The following WASHC3 variants were observed in gnomAD, a reference collection of about 807,000 sequenced individuals.
WASHC3 encodes WASH complex subunit 3.
Under a neutral mutation model 26.1 loss-of-function variants are expected in WASHC3, and 24 were observed. That is an observed-to-expected ratio of 0.92 (90% CI 0.66 to 1.29). The LOEUF (loss-of-function observed/expected upper bound fraction) is 1.29, where lower values mean the gene tolerates loss of function less well. Ranked by LOEUF, WASHC3 falls within the 50% of genes most tolerant of loss-of-function variation. The pLI is 0.00. For missense variants in WASHC3, 214 were observed against 229.6 expected (o/e 0.93, Z 0.44); for synonymous variants, 77 against 75.7 (o/e 1.02, Z -0.09).
At chr12:102,056,839 AAAG>A (rs1437689012) in intron 2 of WASHC3, among the ~76,000 whole-genome samples, 1 of 152,182 alleles carries the variant, frequency 6.6e-6, no homozygotes, top group African/African-American at 2.4e-5. Flanking sequence ...CCAAACATTT[AAAG>A]AAGAACTAAT....
intron 5 of WASHC3, among the ~76,000 whole-genome samples, chr12:102,030,156 G>C (rs575790493): frequency 6.6e-6 from 1 of 152,124 alleles, no homozygotes; most frequent in East Asian, 1.9e-4. Flanking sequence ...TTAGCCAGGA[G>C]TGGTGGCACA....
intron 2 of WASHC3, among the ~76,000 whole-genome samples, chr12:102,060,857 A>AGG (rs1242709692): frequency 2.1e-5 from 3 of 145,736 alleles, no homozygotes; most frequent in Admixed American, 7.1e-5. Flanking sequence ...CAGGAGGCTG[A>AGG]GGCAGGAGAA....
chr12:102,057,957 T>A lies in WASHC3; in HGVS notation c.150+3291A>T, dbSNP rs372562060. ...AAAAGACCCTGAACAGGCAATGCAA[T>A]ATTAAGCCAAAAAAACAAAGCCAGA... On this transcript the variant is annotated intron_variant, in intron 2 of 6. Coordinates refer to ENST00000240079, the MANE Select transcript of WASHC3 (RefSeq NM_016053.4). 9.9e-5 allele frequency among the ~76,000 whole-genome samples: 15 copies of A among 151,830 alleles called. No homozygotes were observed. In the South Asian group the frequency reaches 2.9e-3, roughly 29 times the overall value.
chr12:102,056,421 A>G (rs1878595744), intron 2 of WASHC3, among the ~76,000 whole-genome samples: 1 of 152,194 alleles, frequency 6.6e-6, no homozygotes, highest in Non-Finnish European at 1.5e-5. Flanking sequence ...ATTCCTAGGG[A>G]TAAAAAAGGG....
intron 2 of WASHC3, chr12:102,050,361 A>G (rs1412703927): frequency 1.4e-5 from 6 of 433,992 alleles, no homozygotes; most frequent in African/African-American, 1.2e-4. Context: ...GCTCACGCCT[A>G]TAATTCCAGC....
Position 102,012,949 on chromosome 12 carries a change from T to G in WASHC3, c.*159A>C, listed in dbSNP as rs1594342779. The G allele has an allele frequency of 2.0e-6, 1 of 500,250 alleles. No individual in the cohort carries two copies. 31.0% of individuals were successfully genotyped at this position (500,250 alleles called of 1,614,324 possible). A position where few individuals can be genotyped will look rare whatever the true frequency, so the allele number is the denominator to read the frequency against. ...TTTAGCAACAAGACATACTGGCAGG[T>G]TAAAACTGCTTTATTATTATTTTTT... is the stretch of plus-strand genomic sequence containing the variant. On this transcript the variant is annotated 3_prime_UTR_variant, in exon 7 of 7. Coordinates refer to ENST00000240079, the MANE Select transcript of WASHC3 (RefSeq NM_016053.4).
chr12:102,058,361 T>A (rs1878673464), intron 2 of WASHC3, among the ~76,000 whole-genome samples: 1 of 152,134 alleles, frequency 6.6e-6, no homozygotes, highest in African/African-American at 2.4e-5. Flanking sequence ...GGGCAATGAC[T>A]TTTTTTGGAT....
intron 6 of WASHC3, among the ~76,000 whole-genome samples, chr12:102,022,602 T>C (rs1203549755): frequency 1.3e-5 from 2 of 152,178 alleles, no homozygotes; most frequent in African/African-American, 4.8e-5. Flanking sequence ...AAGTAGACCA[T>C]CTCTAAAGCC....
intron 6 of WASHC3, among the ~76,000 whole-genome samples, chr12:102,018,768 C>A (rs568092021): frequency 6.6e-6 from 1 of 152,126 alleles, no homozygotes; most frequent in Non-Finnish European, 1.5e-5. Context: ...CTGCACCTGG[C>A]TCCTCATTCA....
chr12:102,044,820 G>A (rs1033425792), intron 3 of WASHC3, among the ~76,000 whole-genome samples: 2 of 152,104 alleles, frequency 1.3e-5, no homozygotes, highest in South Asian at 4.1e-4. Flanking sequence ...AACCTGAAAT[G>A]GTTTAGCTTT....
intron 5 of WASHC3, among the ~76,000 whole-genome samples, chr12:102,034,811 TGTGTGA>T (rs1031497621): frequency 4.6e-5 from 7 of 151,842 alleles, no homozygotes; most frequent in Non-Finnish European, 8.8e-5. Flanking sequence ...TGTGTGTGTG[TGTGTGA>T]GTATGTAAAT....
intron 5 of WASHC3, among the ~76,000 whole-genome samples, chr12:102,033,553 C>T (rs1877523590): frequency 1.3e-5 from 2 of 151,944 alleles, no homozygotes; most frequent in Admixed American, 6.6e-5. Context: ...TTTTAAATGA[C>T]AAGAATATAA....
At chr12:102,026,156 T>C in intron 5 of WASHC3, 118 bp from the exon 6 acceptor site, 1 of 614,104 alleles carries the variant, frequency 1.6e-6, no homozygotes, top group Non-Finnish European at 2.8e-6. Flanking sequence ...TATTCTACTT[T>C]AAAATTAGCA....
Position 102,024,403 on chromosome 12 carries a change from A to G in WASHC3, c.500+1571T>C, listed in dbSNP as rs1176446820. ...TACAAACGATGAGGGCGTGAACTAA[A>G]CGGCAATGGATATGGAGGCATATGG... On this transcript the variant is annotated intron_variant, in intron 6 of 6. Transcript: ENST00000240079. 2.0e-5 allele frequency among the ~76,000 whole-genome samples: 3 copies of G among 152,194 alleles called. No homozygotes were observed. The East Asian group carries it at 5.8e-4, about 29-fold the overall frequency.
chr12:102,027,831 T>C (rs1276140099), intron 5 of WASHC3, among the ~76,000 whole-genome samples: 3 of 152,162 alleles, frequency 2.0e-5, no homozygotes. Context: ...TCTTGGTAAC[T>C]GTTGTTTTGT....
intron 2 of WASHC3, among the ~76,000 whole-genome samples, chr12:102,055,477 G>C (rs10860838): frequency 0.43 from 65,695 of 151,910 alleles, 14,651 homozygotes; most frequent in African/African-American, 0.54. Flanking sequence ...TCCCAAGTAG[G>C]TGGGAATACA....
chr12:102,046,110 C>A lies in WASHC3; in HGVS notation c.160G>T (p.Asp54Tyr). The A allele has an allele frequency of 1.3e-6, 2 of 1,588,094 alleles. No homozygotes were observed. The highest frequency in any genetic ancestry group is 2.3e-5 in the South Asian group (2 of 87,636). ...FSTVCEEKLA[D>Y]LSLRIQQIET... ...ATTTGTTGGATACGAAGTGAAAGGT[C>A]TGCCAGTTTCTGTAAAAGAAAAATT... The change falls in exon 3 of 7, where the codon GAC (aspartate) becomes TAC (tyrosine). Residue 54 changes from aspartate (D) to tyrosine (Y), a missense_variant. Physicochemically the swap from Asp to Tyr is radical, Grantham distance 160 (BLOSUM62 -3). Coordinates refer to ENST00000240079, the MANE Select transcript of WASHC3 (RefSeq NM_016053.4).
intron 6 of WASHC3, among the ~76,000 whole-genome samples, chr12:102,018,619 C>T (rs2121323698): frequency 6.6e-6 from 1 of 152,038 alleles, no homozygotes; most frequent in African/African-American, 2.4e-5. Context: ...ACTGCAGATA[C>T]ACTCTATCGC....
At chr12:102,038,962 A>T (rs1048423512) in intron 5 of WASHC3, among the ~76,000 whole-genome samples, 65 of 151,542 alleles carry the variant, frequency 4.3e-4, no homozygotes, top group African/African-American at 1.5e-3. Context: ...TATTATTATT[A>T]TTATTTTTTG....
Sources: allele counts gnomAD v4.1 joint callset (sites outside exome capture counted in the v4.1 genomes callset), GRCh38; gene constraint gnomAD v4.1.1; transcripts MANE v1.5; gene names NCBI Gene and HGNC (gene_info 2026-07-23, HGNC 2026-07-21).